The following RAB3GAP2 variants were observed in gnomAD, a reference collection of about 807,000 sequenced individuals.
RAB3GAP2 encodes rab3 GTPase-activating protein non-catalytic subunit.
Under a neutral mutation model 185.3 loss-of-function variants are expected in RAB3GAP2, and 87 were observed. The observed-to-expected ratio is 0.47, with a 90% CI of 0.39 to 0.56. RAB3GAP2 has a LOEUF of 0.56. Among genes scored for constraint, RAB3GAP2 ranks in the 20% least tolerant of loss-of-function variants. The pLI is 0.00. For synonymous variants in RAB3GAP2, 554 were observed against 576.1 expected (o/e 0.96, Z 0.55); for missense variants, 1,492 against 1,638.2 (o/e 0.91, Z 1.54).
intron 13 of RAB3GAP2, among the ~76,000 whole-genome samples, chr1:220,192,277 CTCTG>C (rs1409051451): frequency 6.6e-6 from 1 of 152,206 alleles, no homozygotes; most frequent in Non-Finnish European, 1.5e-5. Flanking sequence ...TAAAGACTGC[CTCTG>C]TCTATCACTG....
chr1:220,165,757 C>T (rs1222745071), intron 26 of RAB3GAP2, among the ~76,000 whole-genome samples: 2 of 152,088 alleles, frequency 1.3e-5, no homozygotes, highest in Non-Finnish European at 2.9e-5. Context: ...TCAAAATATG[C>T]AATAACCTTT....
chr1:220,214,180 T>G (rs907053993), intron 2 of RAB3GAP2, among the ~76,000 whole-genome samples: 1 of 152,164 alleles, frequency 6.6e-6, no homozygotes, highest in Non-Finnish European at 1.5e-5. Flanking sequence ...AATCTTCAGT[T>G]TTGAATATTA....
chr1:220,250,307 C>G (rs542829021), intron 1 of RAB3GAP2, among the ~76,000 whole-genome samples: 1 of 152,180 alleles, frequency 6.6e-6, no homozygotes, highest in African/African-American at 2.4e-5. Context: ...AATGACTGCC[C>G]CCATTGAGTT....
At chr1:220,242,504 A>G (rs936650153) in intron 1 of RAB3GAP2, among the ~76,000 whole-genome samples, 1 of 119,228 alleles carries the variant, frequency 8.4e-6, no homozygotes, top group East Asian at 2.4e-4. Flanking sequence ...AGCCACATAC[A>G]TTGAAATGAA....
chr1:220,261,129 T>C (rs1216390835), intron 1 of RAB3GAP2, among the ~76,000 whole-genome samples: 1 of 152,100 alleles, frequency 6.6e-6, no homozygotes, highest in Non-Finnish European at 1.5e-5. Flanking sequence ...GATGAGATTC[T>C]CTCTTCTGGG....
At chr1:220,263,315 T>C (rs1660174326) in intron 1 of RAB3GAP2, among the ~76,000 whole-genome samples, 1 of 152,168 alleles carries the variant, frequency 6.6e-6, no homozygotes, top group Non-Finnish European at 1.5e-5. Flanking sequence ...TAGCCCCATT[T>C]GTCCACTTTT....
intron 2 of RAB3GAP2, among the ~76,000 whole-genome samples, chr1:220,221,079 A>G (rs1659297081): frequency 6.6e-6 from 1 of 152,212 alleles, no homozygotes; most frequent in African/African-American, 2.4e-5. Flanking sequence ...ACCGCTTCTC[A>G]CAGACATATT....
chr1:220,180,298 T>C (rs1053535746), intron 21 of RAB3GAP2, among the ~76,000 whole-genome samples: 1 of 150,948 alleles, frequency 6.6e-6, no homozygotes, highest in African/African-American at 2.4e-5. Context: ...GTAATAAAGA[T>C]CAAGCAGAAA....
At chr1:220,272,103 G>C (rs1397919377) in intron 1 of RAB3GAP2, 120 bp downstream of exon 1, 1 of 849,588 alleles carries the variant, frequency 1.2e-6, no homozygotes, top group Non-Finnish European at 2.0e-6. Context: ...GGGAGGCACG[G>C]GGAGAACTGG....
intron 9 of RAB3GAP2, among the ~76,000 whole-genome samples, chr1:220,197,842 AATG>A (rs561223841): frequency 9.1e-4 from 138 of 152,192 alleles, no homozygotes; most frequent in Admixed American, 2.4e-3. Context: ...CCTTGCTACC[AATG>A]ATGTTTTCCT....
rs185377349 is a variant in RAB3GAP2, at chr1:220,212,019, G to C, written c.386+868C>G. On this transcript the variant is annotated intron_variant, in intron 4 of 34. Coordinates refer to ENST00000358951, the MANE Select transcript of RAB3GAP2 (RefSeq NM_012414.4). ...AGGATTTTCTTACTCATTCTGATCAGACAGTTTTGAGTCATAAAGATTTAA... is the reference window on the plus strand; with the variant it reads ...AGGATTTTCTTACTCATTCTGATCACACAGTTTTGAGTCATAAAGATTTAA... Among the ~76,000 whole-genome samples the C allele has an allele frequency of 3.4e-3, 521 of 152,274 alleles. 2 individuals are homozygous for C. Among genetic ancestry groups the C allele is most frequent in the African/African-American group, 0.012 (495 of 41,556 alleles).
intron 1 of RAB3GAP2, among the ~76,000 whole-genome samples, chr1:220,258,478 C>CA (rs112490944): frequency 0.022 from 3,289 of 152,184 alleles, 123 homozygotes; most frequent in South Asian, 0.12. Context: ...GAACTAAAGA[C>CA]AAAAAACCAC....
intron 2 of RAB3GAP2, among the ~76,000 whole-genome samples, chr1:220,228,925 C>G (rs544096428): frequency 2.0e-5 from 3 of 152,210 alleles, no homozygotes; most frequent in African/African-American, 7.2e-5. Context: ...AAATGTTCTA[C>G]ATGTCAGTAT....
intron 2 of RAB3GAP2, among the ~76,000 whole-genome samples, chr1:220,223,650 A>G (rs1659348925): frequency 6.6e-6 from 1 of 152,060 alleles, no homozygotes; most frequent in African/African-American, 2.4e-5. Flanking sequence ...TTGTTTCCCA[A>G]TACAATATTT....
chr1:220,203,352 G>A (rs1387721646), intron 8 of RAB3GAP2, among the ~76,000 whole-genome samples: 1 of 152,104 alleles, frequency 6.6e-6, no homozygotes, highest in African/African-American at 2.4e-5. Flanking sequence ...GTTTATTCAG[G>A]AAAGTGAAAA....
At chr1:220,259,893 A>G (rs1163895290) in intron 1 of RAB3GAP2, among the ~76,000 whole-genome samples, 1 of 152,216 alleles carries the variant, frequency 6.6e-6, no homozygotes, top group Non-Finnish European at 1.5e-5. Context: ...AATTTACAAG[A>G]AAAAACAAGC....
At position 220,177,447 on chromosome 1, in the gene RAB3GAP2, G is replaced by A. The variant is rs548797893; in HGVS notation, c.2311-4705C>T. Among the ~76,000 whole-genome samples, 4 of 152,134 alleles carry A rather than the reference G, an allele frequency of 2.6e-5. No individual in the cohort carries two copies. In the South Asian group the frequency reaches 6.2e-4, roughly 24 times the overall value. ...GCATCGAGAACATTCAGGGAAACAC[G>A]ACCTCACCAAATGGACAAAGAAAGG... On this transcript the variant is annotated intron_variant, in intron 21 of 34. Transcript: ENST00000358951.
intron 1 of RAB3GAP2, among the ~76,000 whole-genome samples, chr1:220,241,576 C>A (rs1264966794): frequency 6.6e-6 from 1 of 151,918 alleles, no homozygotes; most frequent in East Asian, 1.9e-4. Context: ...AAAAGCATCA[C>A]CCAGCAGTAC....
At chr1:220,155,265 G>A (rs1657837664) in intron 31 of RAB3GAP2, among the ~76,000 whole-genome samples, 3 of 152,138 alleles carry the variant, frequency 2.0e-5, no homozygotes, top group Admixed American at 6.6e-5. Context: ...TTGGGTTACC[G>A]TTTCTTCTTC....
Sources: allele counts gnomAD v4.1 joint callset (sites outside exome capture counted in the v4.1 genomes callset), GRCh38; gene constraint gnomAD v4.1.1; transcripts MANE v1.5; gene names NCBI Gene and HGNC (gene_info 2026-07-23, HGNC 2026-07-21).